Variants in NTM observed in about 807,000 individuals in gnomAD.
NTM encodes IgLON family member 2.
NTM carries 13 observed loss-of-function variants against 42.1 expected under a neutral mutation model. That is an observed-to-expected ratio of 0.31 (90% CI 0.20 to 0.49). NTM has a LOEUF of 0.49. Among genes scored for constraint, NTM ranks in the 20% least tolerant of loss-of-function variants. The pLI, the probability that NTM is intolerant of heterozygous loss-of-function variation, is 0.99. For synonymous variants in NTM, 187 were observed against 179.2 expected, an observed-to-expected ratio of 1.04 and a Z score of -0.35; for missense variants, 373 against 452.8, an observed-to-expected ratio of 0.82 and a Z score of 1.60.
At chr11:131,854,645 G>A (rs867208223) in intron 1 of NTM, among the ~76,000 whole-genome samples, 1 of 152,120 alleles carries the variant, frequency 6.6e-6, no homozygotes, top group South Asian at 2.1e-4. Context: ...AGGTAAGTTC[G>A]GGAGATAGGG....
At chr11:132,145,559 G>T (rs1028844982) in intron 2 of NTM, among the ~76,000 whole-genome samples, 1 of 152,302 alleles carries the variant, frequency 6.6e-6, no homozygotes, top group South Asian at 2.1e-4. Context: ...AAGGACTCCA[G>T]ATGCAAAAAT....
At chr11:131,422,720 C>T (rs1053759174) in intron 1 of NTM, among the ~76,000 whole-genome samples, 27 of 152,314 alleles carry the variant, frequency 1.8e-4, no homozygotes, top group East Asian at 1.5e-3. Flanking sequence ...TAAATCAAGA[C>T]GTCAGCATGC....
intron 4 of NTM, among the ~76,000 whole-genome samples, chr11:132,249,491 C>A (rs1186359846): frequency 6.6e-6 from 1 of 152,182 alleles, no homozygotes; most frequent in African/African-American, 2.4e-5. Flanking sequence ...GGGTTGTTTC[C>A]TTGTGTGATG....
At chr11:132,331,277 T>C (rs1215207362) in intron 8 of NTM, among the ~76,000 whole-genome samples, 1 of 152,200 alleles carries the variant, frequency 6.6e-6, no homozygotes, top group African/African-American at 2.4e-5. Flanking sequence ...TACATGAGTG[T>C]CATTAAGGTG....
intron 1 of NTM, among the ~76,000 whole-genome samples, chr11:131,499,283 C>G (rs2046430314): frequency 6.6e-6 from 1 of 152,120 alleles, no homozygotes; most frequent in Admixed American, 6.6e-5. Flanking sequence ...AGCTAGATAG[C>G]CTAGGTACTC....
intron 1 of NTM, among the ~76,000 whole-genome samples, chr11:131,528,777 A>G (rs2050844063): frequency 6.6e-6 from 1 of 152,144 alleles, no homozygotes; most frequent in Non-Finnish European, 1.5e-5. Context: ...TGATCCCAGA[A>G]TTCTCTTCTA....
chr11:132,267,551 C>T (rs1285677279), intron 4 of NTM, among the ~76,000 whole-genome samples: 1 of 150,674 alleles, frequency 6.6e-6, no homozygotes, highest in Non-Finnish European at 1.5e-5. Flanking sequence ...GTGCATGGCT[C>T]ACACCTGTAA....
chr11:131,790,091 T>G (rs2090714747), intron 1 of NTM, among the ~76,000 whole-genome samples: 1 of 152,010 alleles, frequency 6.6e-6, no homozygotes, highest in South Asian at 2.1e-4. Context: ...AAATTATATT[T>G]CAAAGTACAG....
chr11:131,873,431 T>C (rs548609255), intron 1 of NTM, among the ~76,000 whole-genome samples: 1 of 151,324 alleles, frequency 6.6e-6, no homozygotes, highest in Non-Finnish European at 1.5e-5. Flanking sequence ...AAAACCTAGA[T>C]GATGGGTTGA....
At chr11:131,485,454 A>T (rs1321689274) in intron 1 of NTM, among the ~76,000 whole-genome samples, 1 of 152,158 alleles carries the variant, frequency 6.6e-6, no homozygotes, top group African/African-American at 2.4e-5. Flanking sequence ...TCTAATCTCA[A>T]CAACTCCAGG....
chr11:131,371,651 G>A (rs1941201844), intron 1 of NTM, among the ~76,000 whole-genome samples: 1 of 152,172 alleles, frequency 6.6e-6, no homozygotes, highest in Non-Finnish European at 1.5e-5. Flanking sequence ...CCCCAGTGCT[G>A]TGTTCTGTGC....
intron 1 of NTM, among the ~76,000 whole-genome samples, chr11:131,594,934 CT>C (rs2059685660): frequency 6.6e-6 from 1 of 152,212 alleles, no homozygotes; most frequent in African/African-American, 2.4e-5. Flanking sequence ...CTTTAAGCCA[CT>C]TGCTCAATCT....
intron 1 of NTM, among the ~76,000 whole-genome samples, chr11:131,547,848 G>T (rs2054145949): frequency 6.6e-6 from 1 of 152,136 alleles, no homozygotes; most frequent in African/African-American, 2.4e-5. Flanking sequence ...AATCCTTGAA[G>T]GGGAGCCAGG....
In NTM at chr11:131,406,505, C is replaced by T. The variant is rs148821561; in HGVS notation, c.82+35617C>T. On this transcript the variant is annotated intron_variant, in intron 1 of 8. Coordinates refer to ENST00000683400, the MANE Select transcript of NTM (RefSeq NM_001352005.2). ...ATCCTCACGGGATAAGTTCTAAGAT[C>T]CCCAGTGGATGTCTGAAACTCTTGG... 2.2e-3 allele frequency among the ~76,000 whole-genome samples: 334 copies of T among 152,252 alleles called. 2 individuals are homozygous for T. Among genetic ancestry groups the T allele is most frequent in the African/African-American group, 7.6e-3 (314 of 41,542 alleles).
At chr11:131,513,963 G>A (rs1229674647) in intron 1 of NTM, among the ~76,000 whole-genome samples, 1 of 152,096 alleles carries the variant, frequency 6.6e-6, no homozygotes, top group Non-Finnish European at 1.5e-5. Context: ...AGCATGCTCT[G>A]TGTCATCTTT....
intron 2 of NTM, among the ~76,000 whole-genome samples, chr11:131,942,112 T>C (rs1196605397): frequency 6.6e-6 from 1 of 152,160 alleles, no homozygotes; most frequent in Admixed American, 6.5e-5. Context: ...CACAGGAAGA[T>C]GGGCATTTAA....
intron 1 of NTM, among the ~76,000 whole-genome samples, chr11:131,903,972 T>C (rs2053523742): frequency 6.6e-6 from 1 of 152,068 alleles, no homozygotes; most frequent in Non-Finnish European, 1.5e-5. Context: ...ACAAAGGAGC[T>C]AAAAATTCAA....
chr11:131,532,455 C>T (rs2051429675), intron 1 of NTM, among the ~76,000 whole-genome samples: 1 of 152,200 alleles, frequency 6.6e-6, no homozygotes, highest in African/African-American at 2.4e-5. Context: ...ACATTGTGAT[C>T]ACCCACTCCT....
chr11:132,043,475 C>T (rs2077478171), intron 2 of NTM, among the ~76,000 whole-genome samples: 1 of 152,186 alleles, frequency 6.6e-6, no homozygotes, highest in African/African-American at 2.4e-5. Context: ...TGTCACTGTA[C>T]AATTATTGAA....
Sources: allele counts gnomAD v4.1 joint callset (sites outside exome capture counted in the v4.1 genomes callset), GRCh38; gene constraint gnomAD v4.1.1; transcripts MANE v1.5; gene names NCBI Gene and HGNC (gene_info 2026-07-23, HGNC 2026-07-21).